LRRC69: variants seen among roughly 807,000 people sequenced by gnomAD.
LRRC69 encodes leucine-rich repeat-containing protein 69.
Under a neutral mutation model 37.8 loss-of-function variants are expected in LRRC69, and 42 were observed. The ratio of observed to expected loss-of-function variants is 1.11; its 90% CI spans 0.87 to 1.44. The LOEUF (loss-of-function observed/expected upper bound fraction) is 1.44. Ranked by LOEUF, LRRC69 falls within the 40% of genes most tolerant of loss-of-function variation. The pLI is 0.00. For missense variants in LRRC69, 357 were observed against 401.9 expected (o/e 0.89, Z 0.96); for synonymous variants, 141 against 143.1 (o/e 0.99, Z 0.11).
intron 1 of LRRC69, among the ~76,000 whole-genome samples, chr8:91,120,708 G>A (rs956481751): frequency 5.3e-5 from 8 of 152,084 alleles, no homozygotes; most frequent in Non-Finnish European, 1.0e-4. Context: ...GATGGAGCAC[G>A]ACTCAGCTGT....
intron 5 of LRRC69, among the ~76,000 whole-genome samples, chr8:91,147,242 AAACATAT>A (rs1301968833): frequency 1.5e-5 from 2 of 136,178 alleles, no homozygotes; most frequent in Non-Finnish European, 3.1e-5. Context: ...TATTATATAT[AAACATAT>A]AATATATATT....
chr8:91,132,750 G>C (rs1011346643), intron 3 of LRRC69, among the ~76,000 whole-genome samples: 1 of 151,912 alleles, frequency 6.6e-6, no homozygotes, highest in African/African-American at 2.4e-5. Context: ...GCCTGTTCCT[G>C]TATTGATCTA....
chr8:91,210,337 A>G (rs1586290953), intron 7 of LRRC69, among the ~76,000 whole-genome samples: 1 of 152,252 alleles, frequency 6.6e-6, no homozygotes, highest in Non-Finnish European at 1.5e-5. Context: ...AACATGCACA[A>G]TTTCATTTTG....
chr8:91,138,063 T>C (rs1257609590), intron 5 of LRRC69, among the ~76,000 whole-genome samples: 1 of 152,034 alleles, frequency 6.6e-6, no homozygotes, highest in Admixed American at 6.6e-5. Flanking sequence ...TCTTCATCTA[T>C]ATAACGACAA....
At chr8:91,183,554 G>C (rs4637780) in intron 5 of LRRC69, among the ~76,000 whole-genome samples, 102,627 of 151,854 alleles carry the variant, frequency 0.68, 35,227 homozygotes, top group African/African-American at 0.76. Context: ...ATGCAGTTGC[G>C]TACTGAGTGT....
At chr8:91,146,193 G>T (rs781742993) in intron 5 of LRRC69, among the ~76,000 whole-genome samples, 2 of 151,524 alleles carry the variant, frequency 1.3e-5, no homozygotes, top group Non-Finnish European at 2.9e-5. Flanking sequence ...AGCTACCCTT[G>T]GAAATTTTAT....
chr8:91,194,954 C>T (rs1187821871), intron 6 of LRRC69, among the ~76,000 whole-genome samples: 1 of 152,140 alleles, frequency 6.6e-6, no homozygotes, highest in Non-Finnish European at 1.5e-5. Flanking sequence ...AATTTTGGAT[C>T]TTTCCTGCTT....
chr8:91,191,189 A>AT (rs1809490244), intron 6 of LRRC69, among the ~76,000 whole-genome samples: 1 of 151,974 alleles, frequency 6.6e-6, no homozygotes, highest in Non-Finnish European at 1.5e-5. Flanking sequence ...AGTTTGATTT[A>AT]TTTTTTTCAG....
intron 5 of LRRC69, among the ~76,000 whole-genome samples, chr8:91,165,082 G>A (rs936278959): frequency 1.3e-5 from 2 of 151,604 alleles, no homozygotes; most frequent in Non-Finnish European, 2.9e-5. Flanking sequence ...GACATTTTGT[G>A]CCTGGTAATT....
chr8:91,150,828 C>T (rs1240908560), intron 5 of LRRC69, among the ~76,000 whole-genome samples: 4 of 151,626 alleles, frequency 2.6e-5, no homozygotes, highest in African/African-American at 4.8e-5. Context: ...GTGTATGTGT[C>T]GAGGAATTTA....
intron 5 of LRRC69, among the ~76,000 whole-genome samples, chr8:91,182,042 C>T (rs1809334360): frequency 6.6e-6 from 1 of 152,048 alleles, no homozygotes; most frequent in Non-Finnish European, 1.5e-5. Flanking sequence ...ATCAGGGGGC[C>T]TATTTTTGGT....
chr8:91,160,078 A>G lies in LRRC69; in HGVS notation c.651+24339A>G, dbSNP rs540508328. 6.5e-4 allele frequency among the ~76,000 whole-genome samples: 98 copies of G among 151,276 alleles called. 1 individual carries two copies. The highest frequency in any genetic ancestry group is 2.3e-3 in the African/African-American group (96 of 41,444). ...TTAATTTCTTTTAGCAGTATTTTGT[A>G]GGTATCATTGTGGAAATCTTTCACC... On this transcript the variant is annotated intron_variant, in intron 5 of 7. Transcript: ENST00000448384.
chr8:91,212,036 C>A (rs1809936959), intron 7 of LRRC69, among the ~76,000 whole-genome samples: 2 of 152,034 alleles, frequency 1.3e-5, no homozygotes, highest in African/African-American at 4.8e-5. Context: ...AATCCAGATG[C>A]TTTTGTCTTT....
intron 5 of LRRC69, among the ~76,000 whole-genome samples, chr8:91,188,568 T>C (rs1490971886): frequency 6.6e-6 from 1 of 152,162 alleles, no homozygotes; most frequent in African/African-American, 2.4e-5. Context: ...CTACTTAAGA[T>C]AGGTCATATG....
At chr8:91,111,473 G>A (rs1278937093) in intron 1 of LRRC69, among the ~76,000 whole-genome samples, 1 of 152,024 alleles carries the variant, frequency 6.6e-6, no homozygotes. Context: ...GGTGGAGGTT[G>A]TAGTGAGCTG....
chr8:91,185,631 T>C (rs923057905), intron 5 of LRRC69, among the ~76,000 whole-genome samples: 1 of 152,222 alleles, frequency 6.6e-6, no homozygotes, highest in African/African-American at 2.4e-5. Context: ...TCCACAATTC[T>C]GATTAGATAT....
At chr8:91,102,894 A>G (rs1257951218) in intron 1 of LRRC69, 50 bp downstream of exon 1, 1 of 1,478,604 alleles carries the variant, frequency 6.8e-7, no homozygotes, top group Non-Finnish European at 9.0e-7. Flanking sequence ...GATGGAAAAC[A>G]GGAAGAGAGA....
chr8:91,151,415 C>G (rs1159766631), intron 5 of LRRC69, among the ~76,000 whole-genome samples: 1 of 151,598 alleles, frequency 6.6e-6, no homozygotes, highest in Non-Finnish European at 1.5e-5. Context: ...TTTCTTAATC[C>G]TGAGTTCTAG....
intron 6 of LRRC69, among the ~76,000 whole-genome samples, chr8:91,192,905 A>C (rs1809525855): frequency 1.3e-5 from 2 of 152,046 alleles, no homozygotes; most frequent in African/African-American, 4.8e-5. Flanking sequence ...GGTGTTTTAG[A>C]CATGAAGTCC....
Sources: allele counts gnomAD v4.1 joint callset (sites outside exome capture counted in the v4.1 genomes callset), GRCh38; gene constraint gnomAD v4.1.1; transcripts MANE v1.5; gene names NCBI Gene and HGNC (gene_info 2026-07-23, HGNC 2026-07-21).